Variants in FBXL17 observed in about 807,000 individuals in gnomAD.
The protein encoded by FBXL17 is F-box/LRR-repeat protein 17.
In FBXL17, 22 loss-of-function variants were observed where a neutral mutation model predicts 66.2. That is an observed-to-expected ratio of 0.33 (90% CI 0.24 to 0.47). FBXL17 has a LOEUF of 0.47. Ranked by LOEUF, FBXL17 falls within the 20% of genes least tolerant of loss-of-function variation. The probability of loss-of-function intolerance (pLI) is 1.00; values close to 1 mark genes in which losing one functional copy is unlikely to be tolerated. For missense variants in FBXL17, 878 were observed against 948.2 expected (o/e 0.93, Z 0.97); for synonymous variants, 474 against 400.5 (o/e 1.18, Z -2.19).
intron 5 of FBXL17, among the ~76,000 whole-genome samples, chr5:108,192,237 C>T (rs1753496848): frequency 1.3e-5 from 2 of 152,156 alleles, no homozygotes; most frequent in Non-Finnish European, 2.9e-5. Context: ...TTTAATTAAA[C>T]TTACTTTCCT....
chr5:108,304,504 A>C (rs1212221836), intron 4 of FBXL17, among the ~76,000 whole-genome samples: 1 of 152,012 alleles, frequency 6.6e-6, no homozygotes, highest in African/African-American at 2.4e-5. Flanking sequence ...AAATGAAACT[A>C]AGATTAGTAA....
At chr5:108,218,588 T>C (rs1754711388) in intron 5 of FBXL17, among the ~76,000 whole-genome samples, 1 of 152,184 alleles carries the variant, frequency 6.6e-6, no homozygotes, top group Non-Finnish European at 1.5e-5. Context: ...TCACCAAAAC[T>C]TGTTATCTTT....
chr5:108,370,891 TAA>T (rs1748991678), intron 1 of FBXL17, among the ~76,000 whole-genome samples: 1 of 152,098 alleles, frequency 6.6e-6, no homozygotes, highest in Admixed American at 6.5e-5. Context: ...CTCAAAACTC[TAA>T]AAAGTTAGTA....
At chr5:108,016,388 T>C (rs1754387287) in intron 7 of FBXL17, among the ~76,000 whole-genome samples, 1 of 152,174 alleles carries the variant, frequency 6.6e-6, no homozygotes, top group Non-Finnish European at 1.5e-5. Flanking sequence ...GTGTCAGTAT[T>C]TGAGTGTTTC....
intron 7 of FBXL17, among the ~76,000 whole-genome samples, chr5:107,894,749 TAAA>T (rs1365812216): frequency 6.6e-6 from 1 of 152,158 alleles, no homozygotes; most frequent in African/African-American, 2.4e-5. Context: ...CACATGCTTT[TAAA>T]AATGTATTTG....
At chr5:107,904,118 T>C (rs952436479) in intron 7 of FBXL17, among the ~76,000 whole-genome samples, 7 of 152,196 alleles carry the variant, frequency 4.6e-5, no homozygotes, top group Non-Finnish European at 8.8e-5. Context: ...ACTGCATTTC[T>C]GCCTCCGGGG....
chr5:107,899,174 A>T (rs928250689), intron 7 of FBXL17, among the ~76,000 whole-genome samples: 1 of 152,206 alleles, frequency 6.6e-6, no homozygotes, highest in Non-Finnish European at 1.5e-5. Flanking sequence ...AACTGGCATG[A>T]GATGGTATCT....
intron 6 of FBXL17, among the ~76,000 whole-genome samples, chr5:108,126,664 C>CTCTCTCTCTCTCTCTCT (rs1561423141): frequency 1.6e-4 from 17 of 107,952 alleles, no homozygotes; most frequent in African/African-American, 4.9e-4. Flanking sequence ...TATATATATA[C>CTCTCTCTCTCTCTCTCT]ATATATATAT....
At chr5:108,216,509 T>C (rs1289014019) in intron 5 of FBXL17, among the ~76,000 whole-genome samples, 2 of 152,210 alleles carry the variant, frequency 1.3e-5, no homozygotes, top group Non-Finnish European at 2.9e-5. Flanking sequence ...AACTTTTTAA[T>C]GCTTCTTTTC....
At chr5:108,176,561 A>C (rs760075077) in intron 6 of FBXL17, among the ~76,000 whole-genome samples, 2 of 152,156 alleles carry the variant, frequency 1.3e-5, no homozygotes, top group Admixed American at 6.5e-5. Context: ...TAATGTCAAC[A>C]TGGAGAATCA....
chr5:108,276,491 G>T (rs1461503530), intron 4 of FBXL17, among the ~76,000 whole-genome samples: 1 of 152,100 alleles, frequency 6.6e-6, no homozygotes, highest in Non-Finnish European at 1.5e-5. Flanking sequence ...ATAATATATT[G>T]TAAGTCTTTA....
At chr5:108,352,624 C>A (rs916978965) in intron 3 of FBXL17, among the ~76,000 whole-genome samples, 1 of 152,094 alleles carries the variant, frequency 6.6e-6, no homozygotes, top group African/African-American at 2.4e-5. Flanking sequence ...GATTCTCCTG[C>A]CTCAGCCTCC....
chr5:108,306,522 T>C (rs74293771), intron 4 of FBXL17, among the ~76,000 whole-genome samples: 6,587 of 152,162 alleles, frequency 0.043, 765 homozygotes, highest in East Asian at 0.39. Context: ...GTAACTACCT[T>C]ACAGAGATAG....
At position 107,998,850 on chromosome 5, in the gene FBXL17, C is replaced by G. The variant is rs1327674083; in HGVS notation, c.1822+22075G>C. 2.0e-5 allele frequency among the ~76,000 whole-genome samples: 3 copies of G among 152,164 alleles called. 1 individual carries two copies. The South Asian group carries it at 6.2e-4, about 32-fold the overall frequency. ...GCCTCTTCAAACATCTCCAACAACTCCTAACATTTATAGCATAGAGTCTAA... is the reference window on the plus strand; with the variant it reads ...GCCTCTTCAAACATCTCCAACAACTGCTAACATTTATAGCATAGAGTCTAA... On this transcript the variant is annotated intron_variant, in intron 7 of 8. Transcript: ENST00000542267.
chr5:107,971,539 T>C (rs1458772497), intron 7 of FBXL17, among the ~76,000 whole-genome samples: 1 of 152,184 alleles, frequency 6.6e-6, no homozygotes, highest in Non-Finnish European at 1.5e-5. Flanking sequence ...GATAAAGTTC[T>C]TGAGTGTTCG....
chr5:108,297,370 G>A (rs1758391130), intron 4 of FBXL17, among the ~76,000 whole-genome samples: 1 of 151,536 alleles, frequency 6.6e-6, no homozygotes, highest in Admixed American at 6.6e-5. Flanking sequence ...CAGTAATTAA[G>A]GAATTTAATT....
intron 4 of FBXL17, chr5:108,299,510 AC>A: frequency 1.1e-6 from 1 of 945,556 alleles, no homozygotes. Flanking sequence ...AGAAAAGAAA[AC>A]AGGAGGGCTA....
At chr5:107,886,230 G>C (rs1748966209) in intron 7 of FBXL17, among the ~76,000 whole-genome samples, 1 of 152,138 alleles carries the variant, frequency 6.6e-6, no homozygotes, top group Non-Finnish European at 1.5e-5. Flanking sequence ...AATAATGACA[G>C]CTAGTGTTTT....
At chr5:108,222,043 T>C (rs1254999895) in intron 5 of FBXL17, among the ~76,000 whole-genome samples, 3 of 152,230 alleles carry the variant, frequency 2.0e-5, no homozygotes, top group African/African-American at 7.2e-5. Flanking sequence ...TTCTGATTGT[T>C]GATAGACCAA....
Sources: allele counts gnomAD v4.1 joint callset (sites outside exome capture counted in the v4.1 genomes callset), GRCh38; gene constraint gnomAD v4.1.1; transcripts MANE v1.5; gene names NCBI Gene and HGNC (gene_info 2026-07-23, HGNC 2026-07-21).